The following RBM47 variants were observed in gnomAD, a reference collection of about 807,000 sequenced individuals.
The protein encoded by RBM47 is RNA-binding protein 47.
In RBM47, 21 loss-of-function variants were observed where a neutral mutation model predicts 47.1. That is an observed-to-expected ratio of 0.45 (90% CI 0.32 to 0.64). The LOEUF (loss-of-function observed/expected upper bound fraction) is 0.64. RBM47 is among the 30% of genes least tolerant of loss of function. RBM47 has a pLI of 0.05. For synonymous variants in RBM47, 375 were observed against 361.7 expected (o/e 1.04, Z -0.42); for missense variants, 708 against 870.9 (o/e 0.81, Z 2.35).
intron 1 of RBM47, among the ~76,000 whole-genome samples, chr4:40,586,350 A>G (rs1733580916): frequency 6.6e-6 from 1 of 152,110 alleles, no homozygotes; most frequent in African/African-American, 2.4e-5. Flanking sequence ...AACCAGAGAA[A>G]GAGAGTCTGG....
chr4:40,490,756 G>C (rs1209235789), intron 2 of RBM47, among the ~76,000 whole-genome samples: 2 of 151,338 alleles, frequency 1.3e-5, no homozygotes, highest in South Asian at 4.2e-4. Context: ...AAAAAAAAAA[G>C]AGAGAAAAAA....
intron 6 of RBM47, 130 bp from the exon 7 acceptor site, chr4:40,426,273 C>T (rs1044513186): frequency 9.9e-6 from 12 of 1,209,068 alleles, no homozygotes; most frequent in African/African-American, 1.5e-5. Flanking sequence ...GGCAGAGGGG[C>T]GGGCAAACAG....
intron 2 of RBM47, among the ~76,000 whole-genome samples, chr4:40,485,730 T>C (rs545245484): frequency 6.6e-6 from 1 of 152,040 alleles, no homozygotes; most frequent in African/African-American, 2.4e-5. Flanking sequence ...ATTTTAAAAA[T>C]TGGGACAACA....
intron 1 of RBM47, among the ~76,000 whole-genome samples, chr4:40,575,262 A>T (rs1732174183): frequency 6.6e-6 from 1 of 152,162 alleles, no homozygotes; most frequent in Non-Finnish European, 1.5e-5. Context: ...ACCTATAAAG[A>T]AATACCAAGG....
chr4:40,617,123 G>A (rs1375061317), intron 1 of RBM47, among the ~76,000 whole-genome samples: 2 of 151,738 alleles, frequency 1.3e-5, no homozygotes, highest in Admixed American at 6.6e-5. Context: ...TGATCCACCC[G>A]CCTCGGCCTC....
chr4:40,560,965 GAAA>G (rs78803844), intron 1 of RBM47, among the ~76,000 whole-genome samples: 5 of 134,064 alleles, frequency 3.7e-5, no homozygotes, highest in South Asian at 2.4e-4. Flanking sequence ...CTCCTTCTCG[GAAA>G]AAAAAAAAAA....
At chr4:40,623,760 ACT>A (rs370456694) in intron 1 of RBM47, among the ~76,000 whole-genome samples, 28 of 152,230 alleles carry the variant, frequency 1.8e-4, no homozygotes, top group African/African-American at 5.3e-4. Flanking sequence ...GAAAAAATGC[ACT>A]TTTTTCCTCC....
chr4:40,500,432 G>A (rs143424004), intron 2 of RBM47, among the ~76,000 whole-genome samples: 1,781 of 152,012 alleles, frequency 0.012, 14 homozygotes, highest in Non-Finnish European at 0.017. Context: ...GCAACAAGGT[G>A]AAACCCCATC....
intron 5 of RBM47, among the ~76,000 whole-genome samples, chr4:40,433,974 T>C (rs986127891): frequency 8.0e-6 from 1 of 125,178 alleles, no homozygotes; most frequent in Non-Finnish European, 1.6e-5. Flanking sequence ...ATCAGCCCTT[T>C]TGTGTGAGTG....
intron 1 of RBM47, among the ~76,000 whole-genome samples, chr4:40,579,700 T>C (rs1358175092): frequency 6.6e-6 from 1 of 151,940 alleles, no homozygotes; most frequent in African/African-American, 2.4e-5. Context: ...CATTTTTCTC[T>C]GTGGGTCTTT....
At chr4:40,617,589 G>A (rs1736868334) in intron 1 of RBM47, among the ~76,000 whole-genome samples, 1 of 151,646 alleles carries the variant, frequency 6.6e-6, no homozygotes, top group South Asian at 2.1e-4. Flanking sequence ...ATTTAATATT[G>A]TAAATTAAGT....
chr4:40,484,722 T>A (rs984966644), intron 2 of RBM47, among the ~76,000 whole-genome samples: 1 of 152,218 alleles, frequency 6.6e-6, no homozygotes, highest in Non-Finnish European at 1.5e-5. Context: ...TCCTTCTCTA[T>A]CTACCAGATT....
intron 1 of RBM47, among the ~76,000 whole-genome samples, chr4:40,564,885 G>A (rs1232570460): frequency 4.6e-5 from 7 of 152,210 alleles, no homozygotes; most frequent in Non-Finnish European, 1.0e-4. Context: ...GAGGCCCGAG[G>A]ATCCTCAGTG....
chr4:40,611,447 G>A (rs569914206), intron 1 of RBM47, among the ~76,000 whole-genome samples: 1 of 152,064 alleles, frequency 6.6e-6, no homozygotes, highest in South Asian at 2.1e-4. Flanking sequence ...ACCCACATAG[G>A]CCGGGCACGG....
At chr4:40,501,419 T>G (rs747323222) in intron 2 of RBM47, among the ~76,000 whole-genome samples, 1 of 152,188 alleles carries the variant, frequency 6.6e-6, no homozygotes, top group African/African-American at 2.4e-5. Context: ...ATACTTCACA[T>G]AGTCAGATGC....
At chr4:40,530,433 G>C (rs1365168861) in intron 2 of RBM47, among the ~76,000 whole-genome samples, 2 of 152,050 alleles carry the variant, frequency 1.3e-5, no homozygotes, top group Non-Finnish European at 2.9e-5. Context: ...CTCCTAAGTA[G>C]CTGGGACTAC....
chr4:40,472,049 T>G (rs1335433674), intron 2 of RBM47, among the ~76,000 whole-genome samples: 2 of 152,220 alleles, frequency 1.3e-5, no homozygotes, highest in East Asian at 3.8e-4. Flanking sequence ...AACAGTAGAC[T>G]GTTGACAATT....
chr4:40,616,465 A>G (rs1037329791), intron 1 of RBM47, among the ~76,000 whole-genome samples: 1 of 152,016 alleles, frequency 6.6e-6, no homozygotes, highest in Non-Finnish European at 1.5e-5. Context: ...TTTTTAGAAT[A>G]ATCTCTGCTT....
At chr4:40,627,891 A>AG (rs2154282747) in intron 1 of RBM47, among the ~76,000 whole-genome samples, 1 of 152,320 alleles carries the variant, frequency 6.6e-6, no homozygotes, top group East Asian at 1.9e-4. Flanking sequence ...AAAAATATAG[A>AG]GATTGGTAAA....
Sources: gnomAD v4.1 joint callset for allele counts (sites outside exome capture counted in the v4.1 genomes callset) on GRCh38, gnomAD v4.1.1 for gene constraint, MANE v1.5 for transcripts, NCBI Gene and HGNC (gene_info 2026-07-23, HGNC 2026-07-21) for gene names.